CAPN13: variants seen among roughly 807,000 people sequenced by gnomAD.
CAPN13 encodes the protein calpain-13.
CAPN13 carries 90 observed loss-of-function variants against 98.4 expected under a neutral mutation model. The ratio of observed to expected loss-of-function variants is 0.92; its 90% CI spans 0.77 to 1.09. The LOEUF (loss-of-function observed/expected upper bound fraction) is 1.09. Ranked by LOEUF, CAPN13 falls within the 50% of genes least tolerant of loss-of-function variation. The probability of loss-of-function intolerance (pLI) is 0.00; values close to 1 mark genes in which losing one functional copy is unlikely to be tolerated. For synonymous variants in CAPN13, 330 were observed against 305.5 expected (o/e 1.08, Z -0.84); for missense variants, 887 against 841.3 (o/e 1.05, Z -0.67).
intron 22 of CAPN13, among the ~76,000 whole-genome samples, chr2:30,730,041 A>G (rs1671008767): frequency 6.6e-6 from 1 of 152,206 alleles, no homozygotes; most frequent in South Asian, 2.1e-4. Flanking sequence ...GTTTCAGGGA[A>G]GTAGATGATT....
At chr2:30,796,424 T>C (rs1479368660) in intron 1 of CAPN13, among the ~76,000 whole-genome samples, 1 of 151,954 alleles carries the variant, frequency 6.6e-6, no homozygotes, top group Non-Finnish European at 1.5e-5. Flanking sequence ...CCAGAGATCA[T>C]GGATGAATGG....
chr2:30,738,889 G>A (rs1390789668), intron 15 of CAPN13, among the ~76,000 whole-genome samples: 1 of 151,396 alleles, frequency 6.6e-6, no homozygotes, highest in Non-Finnish European at 1.5e-5. Flanking sequence ...GTGTGTATGT[G>A]TGTGTGTGTG....
chr2:30,803,344 T>G (rs1208672432), intron 1 of CAPN13, among the ~76,000 whole-genome samples: 2 of 152,114 alleles, frequency 1.3e-5, no homozygotes, highest in Non-Finnish European at 2.9e-5. Context: ...CGCCCCTCTG[T>G]GTCTCTGGTC....
intron 22 of CAPN13, among the ~76,000 whole-genome samples, chr2:30,728,602 C>T (rs1251744576): frequency 6.6e-6 from 1 of 152,098 alleles, no homozygotes; most frequent in African/African-American, 2.4e-5. Flanking sequence ...AAAAGAGGGA[C>T]AAGTTGTGGT....
intron 1 of CAPN13, among the ~76,000 whole-genome samples, chr2:30,792,592 G>A (rs1674657696): frequency 6.6e-6 from 1 of 151,986 alleles, no homozygotes; most frequent in South Asian, 2.1e-4. Context: ...GAAACCCCTA[G>A]GCTCAGATAG....
intron 8 of CAPN13, among the ~76,000 whole-genome samples, chr2:30,756,860 G>A (rs889782307): frequency 1.3e-5 from 2 of 152,190 alleles, no homozygotes; most frequent in Non-Finnish European, 2.9e-5. Flanking sequence ...GGAATTCACT[G>A]TGCTGTTTCA....
At chr2:30,798,510 T>C (rs545153998) in intron 1 of CAPN13, among the ~76,000 whole-genome samples, 60 of 152,326 alleles carry the variant, frequency 3.9e-4, no homozygotes, top group African/African-American at 1.4e-3. Context: ...GACAGGTTGC[T>C]CTGGTGTCCC....
intron 5 of CAPN13, among the ~76,000 whole-genome samples, chr2:30,768,239 TAAGA>T (rs1673207280): frequency 1.3e-5 from 2 of 152,140 alleles, no homozygotes; most frequent in African/African-American, 2.4e-5. Context: ...GCTTGACCAA[TAAGA>T]CTCCAACTCT....
chr2:30,777,654 G>T lies in CAPN13; in HGVS notation c.199-15C>A. On this transcript the variant is annotated splice_polypyrimidine_tract_variant and intron_variant, in intron 2 of 22. Coordinates refer to ENST00000295055, the MANE Select transcript of CAPN13 (RefSeq NM_144575.3). ...CCTGGTAGATCCTTTAGGAAAGAGG[G>T]AGAAAAGCTATGAACATCGTTTATT... The T allele has an allele frequency of 6.4e-7, 1 of 1,552,368 alleles. No homozygotes were observed.
chr2:30,741,450 G>C (rs1202772841), intron 15 of CAPN13: 2 of 1,003,030 alleles, frequency 2.0e-6, no homozygotes, highest in Non-Finnish European at 2.4e-6. Context: ...CTTTATAACA[G>C]TTTATTAAGC....
chr2:30,778,860 C>T (rs1450647721), intron 2 of CAPN13, among the ~76,000 whole-genome samples: 3 of 152,202 alleles, frequency 2.0e-5, no homozygotes, highest in East Asian at 1.9e-4. Context: ...GCACCAGGTC[C>T]GACCCTCTGC....
At chr2:30,805,487 A>G (rs1293914125) in intron 1 of CAPN13, among the ~76,000 whole-genome samples, 1 of 152,124 alleles carries the variant, frequency 6.6e-6, no homozygotes, top group Non-Finnish European at 1.5e-5. Context: ...CCCAGGCTAA[A>G]ATAATGTCAA....
intron 3 of CAPN13, among the ~76,000 whole-genome samples, chr2:30,776,483 G>A (rs138040805): frequency 1.0e-3 from 159 of 152,264 alleles, no homozygotes; most frequent in African/African-American, 3.7e-3. Flanking sequence ...AAAGTGCTGA[G>A]ATTACAGGTA....
At chr2:30,790,606 T>G (rs1273731837) in intron 1 of CAPN13, among the ~76,000 whole-genome samples, 1 of 152,184 alleles carries the variant, frequency 6.6e-6, no homozygotes, top group South Asian at 2.1e-4. Flanking sequence ...CCTGTGTCCT[T>G]TGCTGAGTTG....
intron 10 of CAPN13, among the ~76,000 whole-genome samples, chr2:30,751,490 T>A (rs1299942936): frequency 6.6e-6 from 1 of 152,196 alleles, no homozygotes; most frequent in Admixed American, 6.5e-5. Context: ...AAAATATTTC[T>A]TAAACTGTAA....
intron 5 of CAPN13, among the ~76,000 whole-genome samples, chr2:30,766,245 T>C (rs1673105166): frequency 6.6e-6 from 1 of 152,202 alleles, no homozygotes; most frequent in Non-Finnish European, 1.5e-5. Flanking sequence ...GCCTGGCCCC[T>C]CTGTCACTTC....
rs565686627 is a variant in CAPN13 at position 30,760,299 on chromosome 2, A to T, written c.775-2162T>A. On this transcript the variant is annotated intron_variant, in intron 7 of 22. Coordinates refer to ENST00000295055, the MANE Select transcript of CAPN13 (RefSeq NM_144575.3). ...ACGGGGTTTCACCGTGTTAGCCAGG[A>T]TGGATACGCAGTTTATTGTTAACTG... Among the ~76,000 whole-genome samples the T allele has an allele frequency of 6.7e-4, 102 of 152,254 alleles. 1 individual carries two copies. Among genetic ancestry groups the T allele is most frequent in the African/African-American group, 2.3e-3 (97 of 41,544 alleles).
chr2:30,732,345 C>G, intron 20 of CAPN13, 93 bp downstream of exon 20: 6 of 1,531,406 alleles, frequency 3.9e-6, no homozygotes, highest in Non-Finnish European at 5.3e-6. Flanking sequence ...TGAGGCCTCA[C>G]GCAGACCTGG....
intron 1 of CAPN13, among the ~76,000 whole-genome samples, chr2:30,800,120 G>GAAAGAAAGAAAGAAAGAAAGAA (rs1675133057): frequency 1.4e-5 from 1 of 70,784 alleles, no homozygotes; most frequent in African/African-American, 6.1e-5. Context: ...AGAAAGAAAA[G>GAAAGAAAGAAAGAAAGAAAGAA]AAAGAAAGAA....
Sources: allele counts gnomAD v4.1 joint callset (sites outside exome capture counted in the v4.1 genomes callset), GRCh38; gene constraint gnomAD v4.1.1; transcripts MANE v1.5; gene names NCBI Gene and HGNC (gene_info 2026-07-23, HGNC 2026-07-21).